The following TRPC6 variants were observed in gnomAD, a reference collection of about 807,000 sequenced individuals.
TRPC6 encodes short transient receptor potential channel 6.
A neutral mutation model predicts 90.7 loss-of-function variants in TRPC6; 55 were observed. The ratio of observed to expected loss-of-function variants is 0.61; its 90% CI spans 0.49 to 0.76. The LOEUF (loss-of-function observed/expected upper bound fraction) is 0.76, where lower values mean the gene tolerates loss of function less well. Among genes scored for constraint, TRPC6 ranks in the 30% least tolerant of loss-of-function variants. The pLI is 0.00. For missense variants in TRPC6, 989 were observed against 1,122.7 expected, an observed-to-expected ratio of 0.88 and a Z score of 1.70; for synonymous variants, 393 against 393.0, an observed-to-expected ratio of 1.00 and a Z score of 0.00.
At chr11:101,477,018 T>G (rs1274987124) in intron 5 of TRPC6, among the ~76,000 whole-genome samples, 4 of 152,104 alleles carry the variant, frequency 2.6e-5, no homozygotes, top group Non-Finnish European at 5.9e-5. Flanking sequence ...ACCTACTGCC[T>G]TCTGAAAACC....
rs975256160 is a variant in TRPC6, at chr11:101,476,159, A to G, written c.1744+142T>C. 8.4e-6 allele frequency: 6 copies of G among 710,806 alleles called. No homozygotes were observed. In the Admixed American group the frequency reaches 1.2e-4, roughly 14 times the overall value. 44.0% of individuals were successfully genotyped at this position (710,806 alleles called of 1,614,324 possible). ...CAGCAGAAAGCATGCTTCCTCACAT[A>G]TAGATGCTCATTCTTCAGATACAGA... On this transcript the variant is annotated intron_variant, in intron 6 of 12. Transcript: ENST00000344327.
At chr11:101,467,732 T>C (rs1024819255) in intron 10 of TRPC6, among the ~76,000 whole-genome samples, 2 of 152,198 alleles carry the variant, frequency 1.3e-5, no homozygotes, top group African/African-American at 4.8e-5. Context: ...ATGGTCTCTC[T>C]CACATATCCT....
chr11:101,573,225 G>C, intron 1 of TRPC6, among the ~76,000 whole-genome samples: 1 of 147,224 alleles, frequency 6.8e-6, no homozygotes, highest in East Asian at 3.1e-4. Flanking sequence ...AATATTTCTT[G>C]AGTCCCTACC....
chr11:101,468,378 A>G (rs2136663356), intron 10 of TRPC6, among the ~76,000 whole-genome samples: 1 of 152,234 alleles, frequency 6.6e-6, no homozygotes, highest in African/African-American at 2.4e-5. Flanking sequence ...GGGAGGTTGG[A>G]TATCAGATAG....
chr11:101,516,440 A>G (rs1248571392), intron 1 of TRPC6, among the ~76,000 whole-genome samples: 1 of 152,172 alleles, frequency 6.6e-6, no homozygotes, highest in Non-Finnish European at 1.5e-5. Context: ...CTGTGTGCCT[A>G]TTTAAATTAC....
chr11:101,553,954 G>A (rs1407926041), intron 1 of TRPC6, among the ~76,000 whole-genome samples: 2 of 152,038 alleles, frequency 1.3e-5, no homozygotes, highest in African/African-American at 4.8e-5. Context: ...TAGTTCTGTG[G>A]GGAAAATGTT....
At chr11:101,565,544 T>C (rs904815909) in intron 1 of TRPC6, among the ~76,000 whole-genome samples, 1 of 152,068 alleles carries the variant, frequency 6.6e-6, no homozygotes, top group African/African-American at 2.4e-5. Context: ...AACAGGCTGT[T>C]CTTTAAGAAA....
chr11:101,491,314 G>A (rs1859800711), intron 3 of TRPC6: 27 of 388,168 alleles, frequency 7.0e-5, no homozygotes, highest in South Asian at 5.3e-4. Flanking sequence ...GGCGCCTGTA[G>A]TCCCAGCTAC....
intron 1 of TRPC6, among the ~76,000 whole-genome samples, chr11:101,558,166 AACAC>A (rs59675688): frequency 0.035 from 3,272 of 93,542 alleles, 95 homozygotes; most frequent in East Asian, 0.11. Context: ...CAAATACACA[AACAC>A]ACAAATATAT....
intron 4 of TRPC6, among the ~76,000 whole-genome samples, chr11:101,485,224 G>A (rs1371587678): frequency 6.6e-6 from 1 of 151,048 alleles, no homozygotes; most frequent in Admixed American, 6.6e-5. Flanking sequence ...AAAGTTTGCT[G>A]TAAAAATATG....
intron 1 of TRPC6, among the ~76,000 whole-genome samples, chr11:101,508,539 C>T (rs1860325303): frequency 1.3e-5 from 2 of 152,236 alleles, no homozygotes; most frequent in South Asian, 4.1e-4. Flanking sequence ...CTCTCTGTCA[C>T]TTTTCTGGCT....
At chr11:101,505,748 C>T (rs7928728) in intron 1 of TRPC6, among the ~76,000 whole-genome samples, 52,819 of 151,870 alleles carry the variant, frequency 0.35, 9,695 homozygotes, top group African/African-American at 0.44. Flanking sequence ...GGTGCTATGG[C>T]TCACGCCTAT....
chr11:101,487,238 A>G (rs900906656), intron 4 of TRPC6, among the ~76,000 whole-genome samples: 18 of 152,146 alleles, frequency 1.2e-4, no homozygotes, highest in Admixed American at 1.0e-3. Context: ...CTGGTCACAG[A>G]ATGAGAATAG....
At chr11:101,491,442 A>AG (rs1321422869) in intron 3 of TRPC6, 114 bp downstream of exon 3, 1 of 1,432,126 alleles carries the variant, frequency 7.0e-7, no homozygotes, top group Admixed American at 1.9e-5. Flanking sequence ...TCAAAAAAAA[A>AG]AAAAGAGAAA....
chr11:101,515,054 G>A (rs546524992), intron 1 of TRPC6, among the ~76,000 whole-genome samples: 1 of 152,338 alleles, frequency 6.6e-6, no homozygotes, highest in South Asian at 2.1e-4. Flanking sequence ...GCAGTTACCT[G>A]TTAGGGTTAC....
At chr11:101,582,395 G>A (rs1862217404) in intron 1 of TRPC6, among the ~76,000 whole-genome samples, 1 of 152,058 alleles carries the variant, frequency 6.6e-6, no homozygotes, top group African/African-American at 2.4e-5. Flanking sequence ...CTTGCGGGTG[G>A]ATGTGACAAG....
intron 2 of TRPC6, among the ~76,000 whole-genome samples, chr11:101,497,553 A>G (rs1202212864): frequency 6.6e-6 from 1 of 152,194 alleles, no homozygotes; most frequent in Non-Finnish European, 1.5e-5. Context: ...TGTCAGCAGC[A>G]GAGGCATCTG....
chr11:101,580,655 CTAAA>C (rs1168296949), intron 1 of TRPC6, among the ~76,000 whole-genome samples: 1 of 151,896 alleles, frequency 6.6e-6, no homozygotes, highest in African/African-American at 2.4e-5. Flanking sequence ...AAAAATTTTT[CTAAA>C]TAAGAAAACT....
intron 1 of TRPC6, among the ~76,000 whole-genome samples, chr11:101,528,619 T>A (rs763061284): frequency 9.2e-5 from 14 of 152,202 alleles, no homozygotes; most frequent in Admixed American, 2.6e-4. Context: ...TACTAACTCT[T>A]ATGTGTAGTC....
Sources: gnomAD v4.1 joint callset for allele counts (sites outside exome capture counted in the v4.1 genomes callset) on GRCh38, gnomAD v4.1.1 for gene constraint, MANE v1.5 for transcripts, NCBI Gene and HGNC (gene_info 2026-07-23, HGNC 2026-07-21) for gene names.